Variants in GNA12 observed in about 807,000 individuals in gnomAD.
The protein encoded by GNA12 is G protein subunit alpha 12, also known as guanine nucleotide-binding protein subunit alpha-12.
In GNA12, 9 loss-of-function variants were observed where a neutral mutation model predicts 26.0. That is an observed-to-expected ratio of 0.35 (90% CI 0.21 to 0.60). The LOEUF is 0.60. Among genes scored for constraint, GNA12 ranks in the 20% least tolerant of loss-of-function variants. The pLI is 0.78. For synonymous variants in GNA12, 264 were observed against 219.6 expected (o/e 1.20, Z -1.79); for missense variants, 405 against 525.8 (o/e 0.77, Z 2.25).
At chr7:2,771,183 C>G (rs963966673) in intron 2 of GNA12, among the ~76,000 whole-genome samples, 1 of 151,974 alleles carries the variant, frequency 6.6e-6, no homozygotes, top group Non-Finnish European at 1.5e-5. Flanking sequence ...CCCAGCTACT[C>G]GGGAGGCCGG....
intron 2 of GNA12, among the ~76,000 whole-genome samples, chr7:2,752,895 T>C (rs1466980247): frequency 6.6e-6 from 1 of 152,194 alleles, no homozygotes; most frequent in African/African-American, 2.4e-5. Flanking sequence ...AATGTGTGTG[T>C]GGTTCCATGC....
chr7:2,770,796 CAG>C (rs1234298407), intron 2 of GNA12, among the ~76,000 whole-genome samples: 3 of 152,194 alleles, frequency 2.0e-5, no homozygotes, highest in Non-Finnish European at 4.4e-5. Flanking sequence ...GATTACAAAT[CAG>C]AGTTACTGAA....
intron 1 of GNA12, among the ~76,000 whole-genome samples, chr7:2,843,590 T>C (rs1342934417): frequency 1.3e-5 from 2 of 151,118 alleles, no homozygotes; most frequent in Admixed American, 6.6e-5. Context: ...GAGGCTGCAG[T>C]GAGCTGTGAG....
chr7:2,819,283 G>A (rs780791718), intron 1 of GNA12, among the ~76,000 whole-genome samples: 3 of 152,190 alleles, frequency 2.0e-5, no homozygotes, highest in Non-Finnish European at 2.9e-5. Context: ...CTTGGATGCC[G>A]ATGCATTCCC....
chr7:2,738,692 G>A (rs1004969586), intron 2 of GNA12, among the ~76,000 whole-genome samples: 1 of 151,968 alleles, frequency 6.6e-6, no homozygotes, highest in African/African-American at 2.4e-5. Context: ...TTGGAACCAT[G>A]CTAACATCTT....
chr7:2,783,367 G>C (rs1202652426), intron 2 of GNA12, among the ~76,000 whole-genome samples: 1 of 152,120 alleles, frequency 6.6e-6, no homozygotes, highest in African/African-American at 2.4e-5. Context: ...CGGGGAGCTG[G>C]CCCATGGGTG....
chr7:2,797,709 G>A (rs1006201706), intron 1 of GNA12, among the ~76,000 whole-genome samples: 1 of 152,114 alleles, frequency 6.6e-6, no homozygotes, highest in African/African-American at 2.4e-5. Flanking sequence ...GTAGTTGAAA[G>A]TCTCCTCCAG....
intron 2 of GNA12, among the ~76,000 whole-genome samples, chr7:2,781,002 T>C (rs1176187163): frequency 6.6e-6 from 1 of 152,252 alleles, no homozygotes; most frequent in Non-Finnish European, 1.5e-5. Flanking sequence ...TCATCCCACA[T>C]CCTTGCCAAT....
chr7:2,806,232 A>C (rs1792943625), intron 1 of GNA12, among the ~76,000 whole-genome samples: 1 of 152,150 alleles, frequency 6.6e-6, no homozygotes, highest in African/African-American at 2.4e-5. Flanking sequence ...TAATCCCAGC[A>C]CTTTGGGAAG....
chr7:2,800,787 G>A (rs1431971485), intron 1 of GNA12, among the ~76,000 whole-genome samples: 3 of 152,094 alleles, frequency 2.0e-5, no homozygotes, highest in African/African-American at 7.2e-5. Flanking sequence ...TCTACCTAGA[G>A]GGAAAATGTG....
chr7:2,737,812 T>C (rs1421528590), intron 2 of GNA12, among the ~76,000 whole-genome samples: 1 of 152,228 alleles, frequency 6.6e-6, no homozygotes, highest in African/African-American at 2.4e-5. Context: ...TTTCATTACT[T>C]AATAAATAAA....
chr7:2,753,151 C>T lies in GNA12; in HGVS notation c.526-19650G>A, dbSNP rs117143565. ...ACTTAAAGTGAAACCATACAGCATG[C>T]GGCTTTTTTTTTTTAAAAAAAGAGA... On this transcript the variant is annotated intron_variant, in intron 2 of 3. Transcript: ENST00000275364. Among the ~76,000 whole-genome samples the T allele has an allele frequency of 9.6e-3, 1,418 of 148,434 alleles. 13 individuals are homozygous for T. The highest frequency in any genetic ancestry group is 0.073 in the Middle Eastern group (21 of 286).
chr7:2,808,626 C>T (rs1008978995), intron 1 of GNA12, among the ~76,000 whole-genome samples: 4 of 152,222 alleles, frequency 2.6e-5, no homozygotes, highest in South Asian at 2.1e-4. Context: ...CAGCCAATGC[C>T]GTGGTTCTAC....
At chr7:2,794,282 C>A (rs904526870) in intron 2 of GNA12, among the ~76,000 whole-genome samples, 1 of 152,088 alleles carries the variant, frequency 6.6e-6, no homozygotes, top group Non-Finnish European at 1.5e-5. Context: ...TCTGGATACC[C>A]TGGGTGTGTA....
intron 1 of GNA12, among the ~76,000 whole-genome samples, chr7:2,809,655 A>T (rs1793032371): frequency 6.6e-6 from 1 of 152,206 alleles, no homozygotes; most frequent in Non-Finnish European, 1.5e-5. Context: ...GGAACAGTAC[A>T]ATAAAAATGA....
At chr7:2,770,258 C>T (rs370154127) in intron 2 of GNA12, among the ~76,000 whole-genome samples, 8 of 152,142 alleles carry the variant, frequency 5.3e-5, no homozygotes, top group South Asian at 2.1e-4. Context: ...ATCATCTTGG[C>T]AAAATTGTTT....
intron 2 of GNA12, among the ~76,000 whole-genome samples, chr7:2,767,082 GTTAT>G (rs1791825452): frequency 6.6e-6 from 1 of 152,144 alleles, no homozygotes; most frequent in South Asian, 2.1e-4. Context: ...TTTTAATTGG[GTTAT>G]TTAACTTTGC....
chr7:2,733,376 C>T (rs1370674081), intron 3 of GNA12, 75 bp downstream of exon 3: 12 of 1,223,324 alleles, frequency 9.8e-6, no homozygotes, highest in Admixed American at 2.0e-5. Flanking sequence ...GTCCTCACAA[C>T]GTGGACTGCT....
rs140165844 is a variant in GNA12, at chr7:2,814,595, C to T, written c.310-19452G>A. Among the ~76,000 whole-genome samples the T allele has an allele frequency of 9.9e-5, 15 of 151,338 alleles. No homozygotes were observed. The East Asian group carries it at 2.5e-3, about 26-fold the overall frequency. ...CTTACTGGACCATCCTATTTAAAGC[C>T]GCAACTCCCACCAAAAAATTCCTTA... On this transcript the variant is annotated intron_variant, in intron 1 of 3. Transcript: ENST00000275364.
Sources: gnomAD v4.1 joint callset for allele counts (sites outside exome capture counted in the v4.1 genomes callset) on GRCh38, gnomAD v4.1.1 for gene constraint, MANE v1.5 for transcripts, NCBI Gene and HGNC (gene_info 2026-07-23, HGNC 2026-07-21) for gene names.